Variants in ACBD6 observed in about 807,000 individuals in gnomAD.
ACBD6 encodes acyl-CoA-binding domain-containing protein 6.
A neutral mutation model predicts 37.2 loss-of-function variants in ACBD6; 28 were observed. The observed-to-expected ratio is 0.75, with a 90% CI of 0.56 to 1.03. The LOEUF (loss-of-function observed/expected upper bound fraction) is 1.03. Among genes scored for constraint, ACBD6 ranks in the 50% least tolerant of loss-of-function variants. The probability of loss-of-function intolerance (pLI) is 0.00; values close to 1 mark genes in which losing one functional copy is unlikely to be tolerated. For synonymous variants in ACBD6, 113 were observed against 126.8 expected (o/e 0.89, Z 0.73); for missense variants, 340 against 337.4 (o/e 1.01, Z -0.06).
chr1:180,341,319 G>T (rs950286258), intron 6 of ACBD6, among the ~76,000 whole-genome samples: 1 of 152,030 alleles, frequency 6.6e-6, no homozygotes, highest in Non-Finnish European at 1.5e-5. Context: ...AAAGAATATG[G>T]ATAAGAGAAA....
intron 3 of ACBD6, among the ~76,000 whole-genome samples, chr1:180,476,787 T>C (rs1275249543): frequency 2.0e-5 from 3 of 152,020 alleles, no homozygotes; most frequent in South Asian, 2.1e-4. Flanking sequence ...GATCATGCCA[T>C]TGCGCTCAGC....
intron 3 of ACBD6, among the ~76,000 whole-genome samples, chr1:180,470,147 C>T (rs1286499754): frequency 6.6e-6 from 1 of 152,102 alleles, no homozygotes; most frequent in African/African-American, 2.4e-5. Context: ...TGCTAAATTT[C>T]CCTATATCGT....
intron 3 of ACBD6, among the ~76,000 whole-genome samples, chr1:180,443,465 A>G (rs1649360342): frequency 6.6e-6 from 1 of 152,202 alleles, no homozygotes; most frequent in Admixed American, 6.5e-5. Context: ...AACTGTCAAT[A>G]TAGGATCATC....
chr1:180,349,970 C>G (rs552161371), intron 6 of ACBD6, among the ~76,000 whole-genome samples: 6 of 150,972 alleles, frequency 4.0e-5, no homozygotes, highest in Admixed American at 3.3e-4. Flanking sequence ...TGTAATCAAC[C>G]AGGCTACACA....
chr1:180,487,401 A>G, intron 3 of ACBD6, among the ~76,000 whole-genome samples: 1 of 152,122 alleles, frequency 6.6e-6, no homozygotes, highest in East Asian at 1.9e-4. Context: ...ATTTCACACC[A>G]TCTCACGCCC....
intron 6 of ACBD6, among the ~76,000 whole-genome samples, chr1:180,392,276 TG>T (rs1281442963): frequency 8.6e-6 from 1 of 116,630 alleles, no homozygotes; most frequent in African/African-American, 2.6e-5. Context: ...TGTGTGTGTG[TG>T]TGTGTGTATG....
chr1:180,474,349 A>C (rs1557885708), intron 3 of ACBD6, among the ~76,000 whole-genome samples: 1 of 152,200 alleles, frequency 6.6e-6, no homozygotes, highest in Non-Finnish European at 1.5e-5. Context: ...TGCTTTTAAA[A>C]GGGTATGCAG....
At chr1:180,351,188 C>T (rs1652400739) in intron 6 of ACBD6, among the ~76,000 whole-genome samples, 1 of 151,848 alleles carries the variant, frequency 6.6e-6, no homozygotes, top group African/African-American at 2.4e-5. Flanking sequence ...GGTTTATTCT[C>T]AATCTAGACA....
chr1:180,446,159 C>T lies in ACBD6; in HGVS notation c.385-15897G>A, dbSNP rs369004845. Among the ~76,000 whole-genome samples, 7 of 151,196 alleles carry T rather than the reference C, an allele frequency of 4.6e-5. No homozygotes were observed. In the South Asian group the frequency reaches 6.3e-4, roughly 14 times the overall value. ...CTGGGACCACAAGCAAGCACCATCA[C>T]GCCGGGATAATTTTTTTTTTTTTTT... On this transcript the variant is annotated intron_variant, in intron 3 of 7. Transcript: ENST00000367595.
intron 3 of ACBD6, among the ~76,000 whole-genome samples, chr1:180,491,309 C>A (rs1651495076): frequency 6.6e-6 from 1 of 152,196 alleles, no homozygotes. Context: ...TACAATGCAA[C>A]CTCTATCTCA....
chr1:180,318,478 G>T (rs1650923655), intron 6 of ACBD6, among the ~76,000 whole-genome samples: 1 of 151,846 alleles, frequency 6.6e-6, no homozygotes, highest in South Asian at 2.1e-4. Context: ...ATTTTAAGGG[G>T]GGTTTTATCT....
chr1:180,371,675 G>GT (rs1558270469), intron 6 of ACBD6, among the ~76,000 whole-genome samples: 1 of 152,258 alleles, frequency 6.6e-6, no homozygotes, highest in East Asian at 1.9e-4. Flanking sequence ...GTCATAAGAG[G>GT]TAGGGCCTTG....
chr1:180,329,382 T>A (rs73046443), intron 6 of ACBD6, among the ~76,000 whole-genome samples: 1,853 of 152,300 alleles, frequency 0.012, 46 homozygotes, highest in African/African-American at 0.042. Context: ...TCATTTATCC[T>A]TTATTATTAT....
At chr1:180,391,873 A>C (rs1471198279) in intron 6 of ACBD6, among the ~76,000 whole-genome samples, 1 of 139,590 alleles carries the variant, frequency 7.2e-6, no homozygotes, top group East Asian at 2.1e-4. Context: ...CCCTTTATTC[A>C]TAATAGCCAG....
At position 180,274,779 on chromosome 1, in the gene ACBD6, C is replaced by T. The variant is rs533562704; in HGVS notation, c.*808G>A. 2.7e-5 allele frequency: 17 copies of T among 622,680 alleles called. No individual in the cohort carries two copies. In the South Asian group the frequency reaches 3.5e-4, roughly 13 times the overall value. 38.6% of individuals were successfully genotyped at this position (622,680 alleles called of 1,614,324 possible). The stretch of plus-strand genomic sequence containing the variant: ...CCTGGGGAAGCAGTGGGAGAGCAGA[C>T]TCATCTCAGAACACAGCACAGGGGG... On this transcript the variant is annotated 3_prime_UTR_variant, in exon 10 of 14. Transcript: ENST00000642319.
chr1:180,461,601 G>A (rs1266762434), intron 3 of ACBD6, among the ~76,000 whole-genome samples: 3 of 152,144 alleles, frequency 2.0e-5, no homozygotes, highest in African/African-American at 4.8e-5. Context: ...AGAGATTTGA[G>A]GCCAATATTT....
At chr1:180,375,875 C>A (rs182501551) in intron 6 of ACBD6, among the ~76,000 whole-genome samples, 13 of 152,054 alleles carry the variant, frequency 8.5e-5, no homozygotes, top group Non-Finnish European at 1.5e-4. Context: ...ATGAAAGATA[C>A]CATAAACAAA....
chr1:180,418,053 T>C (rs1648171775), intron 4 of ACBD6, among the ~76,000 whole-genome samples: 3 of 152,112 alleles, frequency 2.0e-5, no homozygotes, highest in Non-Finnish European at 4.4e-5. Flanking sequence ...TAATGTTCTT[T>C]TTAATATAAT....
At chr1:180,340,661 G>C (rs1388791905) in intron 6 of ACBD6, among the ~76,000 whole-genome samples, 2 of 151,520 alleles carry the variant, frequency 1.3e-5, no homozygotes, top group Non-Finnish European at 3.0e-5. Context: ...AACAGGGGTG[G>C]GGGGTTTAAA....
Sources: gnomAD v4.1 joint callset for allele counts (sites outside exome capture counted in the v4.1 genomes callset) on GRCh38, gnomAD v4.1.1 for gene constraint, MANE v1.5 for transcripts, NCBI Gene and HGNC (gene_info 2026-07-23, HGNC 2026-07-21) for gene names.